The following FBXL17 variants were observed in gnomAD, a reference collection of about 807,000 sequenced individuals.
FBXL17 encodes the protein F-box/LRR-repeat protein 17.
FBXL17 carries 22 observed loss-of-function variants against 66.2 expected under a neutral mutation model. The ratio of observed to expected loss-of-function variants is 0.33; its 90% CI spans 0.24 to 0.47. The LOEUF is 0.47. Among genes scored for constraint, FBXL17 ranks in the 20% least tolerant of loss-of-function variants. The pLI is 1.00. For missense variants in FBXL17, 878 were observed against 948.2 expected (o/e 0.93, Z 0.97); for synonymous variants, 474 against 400.5 (o/e 1.18, Z -2.19).
intron 6 of FBXL17, among the ~76,000 whole-genome samples, chr5:108,113,586 G>A (rs926814696): frequency 1.3e-5 from 2 of 152,046 alleles, no homozygotes; most frequent in South Asian, 2.1e-4. Flanking sequence ...GATGTTCTCC[G>A]ATGGAGGACA....
chr5:107,899,634 A>G (rs1278024236), intron 7 of FBXL17, among the ~76,000 whole-genome samples: 1 of 152,152 alleles, frequency 6.6e-6, no homozygotes, highest in Non-Finnish European at 1.5e-5. Flanking sequence ...ATTTTTGATT[A>G]CATGGGAAGT....
intron 7 of FBXL17, among the ~76,000 whole-genome samples, chr5:107,945,920 C>T (rs10070308): frequency 0.17 from 25,794 of 151,818 alleles, 2,334 homozygotes; most frequent in African/African-American, 0.21. Context: ...TTTAAGACAA[C>T]CATTTTTGGA....
At chr5:108,013,646 G>C (rs1409740887) in intron 7 of FBXL17, among the ~76,000 whole-genome samples, 1 of 151,920 alleles carries the variant, frequency 6.6e-6, no homozygotes, top group East Asian at 1.9e-4. Context: ...ATCCATCTCT[G>C]TATTTTCCAC....
intron 6 of FBXL17, among the ~76,000 whole-genome samples, chr5:108,155,451 G>A (rs1751958178): frequency 6.6e-6 from 1 of 152,068 alleles, no homozygotes; most frequent in Non-Finnish European, 1.5e-5. Flanking sequence ...GGAGGTGGAG[G>A]TTGTAGTGAG....
intron 7 of FBXL17, among the ~76,000 whole-genome samples, chr5:107,961,388 C>T (rs1216104759): frequency 2.6e-5 from 4 of 151,630 alleles, no homozygotes; most frequent in Non-Finnish European, 5.9e-5. Flanking sequence ...CCAGGCCTGG[C>T]TAATTTTTGT....
At chr5:108,124,419 G>A (rs1001472070) in intron 6 of FBXL17, among the ~76,000 whole-genome samples, 2 of 151,834 alleles carry the variant, frequency 1.3e-5, no homozygotes, top group Admixed American at 6.6e-5. Context: ...AAATAAGGAG[G>A]CCAGGCTGTT....
At chr5:108,007,979 C>T (rs1332839012) in intron 7 of FBXL17, among the ~76,000 whole-genome samples, 1 of 152,054 alleles carries the variant, frequency 6.6e-6, no homozygotes, top group Non-Finnish European at 1.5e-5. Flanking sequence ...ATGCGCATTC[C>T]CTGAATTTTC....
intron 7 of FBXL17, among the ~76,000 whole-genome samples, chr5:108,007,722 A>G (rs1289343612): frequency 6.6e-6 from 1 of 152,170 alleles, no homozygotes; most frequent in African/African-American, 2.4e-5. Flanking sequence ...TTTTTCATAA[A>G]TCTGAGAGCG....
intron 5 of FBXL17, among the ~76,000 whole-genome samples, chr5:108,187,169 TG>T (rs1194621856): frequency 1.3e-5 from 2 of 152,230 alleles, no homozygotes; most frequent in African/African-American, 4.8e-5. Context: ...TGTCTTCCGC[TG>T]ATGTTTAGCC....
intron 1 of FBXL17, among the ~76,000 whole-genome samples, chr5:108,372,741 TGG>T (rs1749126797): frequency 6.6e-6 from 1 of 152,190 alleles, no homozygotes; most frequent in Non-Finnish European, 1.5e-5. Flanking sequence ...AGTTTGTCAC[TGG>T]TAAACTTCCC....
chr5:107,895,638 C>T (rs77139837), intron 7 of FBXL17, among the ~76,000 whole-genome samples: 1 of 152,130 alleles, frequency 6.6e-6, no homozygotes, highest in Non-Finnish European at 1.5e-5. Context: ...GCAAATGATG[C>T]TCTCAAATAA....
At chr5:107,881,622 A>G (rs1048194317) in intron 7 of FBXL17, among the ~76,000 whole-genome samples, 5 of 152,204 alleles carry the variant, frequency 3.3e-5, no homozygotes, top group African/African-American at 1.2e-4. Flanking sequence ...GTCTTTACCA[A>G]TTGGCATAAT....
intron 7 of FBXL17, among the ~76,000 whole-genome samples, chr5:108,017,347 T>C (rs1405965437): frequency 6.6e-6 from 1 of 152,180 alleles, no homozygotes; most frequent in Non-Finnish European, 1.5e-5. Context: ...AGTAGGCAGG[T>C]ATAGACTAAT....
intron 7 of FBXL17, among the ~76,000 whole-genome samples, chr5:108,002,306 A>G (rs6864189): frequency 0.29 from 44,062 of 150,894 alleles, 10,142 homozygotes; most frequent in African/African-American, 0.64. Flanking sequence ...TTACAGGCAC[A>G]AGCCACCGCG....
chr5:108,162,775 G>A (rs1411100081), intron 6 of FBXL17, among the ~76,000 whole-genome samples: 2 of 152,102 alleles, frequency 1.3e-5, no homozygotes, highest in African/African-American at 2.4e-5. Flanking sequence ...AGGGTTATCG[G>A]AAATTTAATA....
At chr5:108,184,788 T>A (rs1461573618) in intron 6 of FBXL17, among the ~76,000 whole-genome samples, 1 of 150,656 alleles carries the variant, frequency 6.6e-6, no homozygotes, top group Non-Finnish European at 1.5e-5. Context: ...TATCTTAAAT[T>A]TAAAGCATTA....
chr5:107,877,883 G>T (rs1237325697), intron 8 of FBXL17, among the ~76,000 whole-genome samples: 2 of 152,220 alleles, frequency 1.3e-5, no homozygotes, highest in Non-Finnish European at 2.9e-5. Context: ...ATCACAGACT[G>T]CCAGGAGATG....
intron 6 of FBXL17, among the ~76,000 whole-genome samples, chr5:108,104,739 A>C (rs1419009417): frequency 2.0e-5 from 3 of 152,218 alleles, no homozygotes; most frequent in Non-Finnish European, 2.9e-5. Context: ...CATATATGGG[A>C]TATTCTCATT....
In FBXL17 at chr5:107,859,951, T is replaced by C. The variant is rs1748077236; in HGVS notation, c.*1769A>G. On this transcript the variant is annotated 3_prime_UTR_variant, in exon 9 of 9. Coordinates refer to ENST00000542267, the MANE Select transcript of FBXL17 (RefSeq NM_001163315.3). ...TGTAAGAAGAAATATAGTTTATTAA[T>C]GTTAAACAGCTTTTTTCTTACACAA... is the stretch of plus-strand genomic sequence containing the variant. 6.6e-6 allele frequency: 1 copy of C among 152,180 alleles called. No individual in the cohort carries two copies. Among genetic ancestry groups the C allele is most frequent in the Non-Finnish European group, 1.5e-5 (1 of 68,008 alleles). 9.4% of individuals were successfully genotyped at this position (152,180 alleles called of 1,614,324 possible). A position where few individuals can be genotyped will look rare whatever the true frequency, so the allele number is the denominator to read the frequency against.
Sources: gnomAD v4.1 joint callset for allele counts (sites outside exome capture counted in the v4.1 genomes callset) on GRCh38, gnomAD v4.1.1 for gene constraint, MANE v1.5 for transcripts, NCBI Gene and HGNC (gene_info 2026-07-23, HGNC 2026-07-21) for gene names.